DST: variants seen among roughly 807,000 people sequenced by gnomAD.
DST encodes bullous pemphigoid antigen.
Under a neutral mutation model 875.2 loss-of-function variants are expected in DST, and 253 were observed. The observed-to-expected ratio is 0.29, with a 90% CI of 0.26 to 0.32. The LOEUF (loss-of-function observed/expected upper bound fraction) is 0.32. DST is among the 10% of genes least tolerant of loss of function. The probability of loss-of-function intolerance (pLI) is 1.00; values close to 1 mark genes in which losing one functional copy is unlikely to be tolerated. For missense variants in DST, 8,287 were observed against 9,111.6 expected (o/e 0.91, Z 3.68); for synonymous variants, 3,124 against 3,197.1 (o/e 0.98, Z 0.77).
At chr6:56,469,784 T>C (rs769608564) in intron 97 of DST, 99 bp downstream of exon 97, 45 of 1,057,684 alleles carry the variant, frequency 4.3e-5, no homozygotes, top group Non-Finnish European at 6.2e-5. Flanking sequence ...GGTAAAAAAG[T>C]AAATAAATAA....
At chr6:56,753,867 A>T (rs1269711625) in intron 4 of DST, among the ~76,000 whole-genome samples, 2 of 152,234 alleles carry the variant, frequency 1.3e-5, no homozygotes, top group African/African-American at 4.8e-5. Context: ...ATATTCATTA[A>T]CTAGACACTT....
At chr6:56,779,766 G>A (rs573090949) in intron 4 of DST, among the ~76,000 whole-genome samples, 2 of 149,598 alleles carry the variant, frequency 1.3e-5, no homozygotes, top group Non-Finnish European at 3.0e-5. Context: ...GGGTACATGT[G>A]CACAATATGC....
chr6:56,792,019 A>C (rs1324618839), intron 4 of DST, among the ~76,000 whole-genome samples: 1 of 152,164 alleles, frequency 6.6e-6, no homozygotes, highest in Admixed American at 6.5e-5. Context: ...CGTTGTGCCA[A>C]AAAGCAAAGG....
At chr6:56,544,227 C>T (rs2097185881) in intron 61 of DST, among the ~76,000 whole-genome samples, 2 of 152,172 alleles carry the variant, frequency 1.3e-5, no homozygotes, top group Non-Finnish European at 2.9e-5. Flanking sequence ...TCCCAGCTGC[C>T]GCTCTCTTGA....
At chr6:56,509,928 T>A in intron 73 of DST, 55 bp from the exon 74 acceptor site, 1 of 1,336,292 alleles carries the variant, frequency 7.5e-7, no homozygotes, top group South Asian at 1.5e-5. Flanking sequence ...ATACCAAGTG[T>A]GAAATTTAAA....
chr6:56,556,918 C>T (rs1021388752), intron 59 of DST, among the ~76,000 whole-genome samples: 3 of 152,160 alleles, frequency 2.0e-5, no homozygotes, highest in Non-Finnish European at 4.4e-5. Flanking sequence ...TCATTATCTA[C>T]TACCACAATC....
intron 4 of DST, among the ~76,000 whole-genome samples, chr6:56,739,953 C>A (rs919340223): frequency 2.6e-5 from 4 of 152,186 alleles, no homozygotes; most frequent in African/African-American, 9.7e-5. Context: ...CCTCCGCCTC[C>A]CAGGTTCAAG....
At chr6:56,909,349 T>A (rs1297906224) in intron 2 of DST, among the ~76,000 whole-genome samples, 1 of 152,218 alleles carries the variant, frequency 6.6e-6, no homozygotes, top group Non-Finnish European at 1.5e-5. Context: ...GAAATGTGTA[T>A]ATATGTAAGC....
chr6:56,519,330 C>T (rs2096652249), intron 69 of DST, among the ~76,000 whole-genome samples: 2 of 152,260 alleles, frequency 1.3e-5, no homozygotes, highest in African/African-American at 2.4e-5. Context: ...GGTTGCTCCA[C>T]TCACACTCAT....
chr6:56,856,449 C>T (rs1231949508), intron 3 of DST, among the ~76,000 whole-genome samples: 1 of 152,122 alleles, frequency 6.6e-6, no homozygotes, highest in East Asian at 1.9e-4. Context: ...AACTTAAGCA[C>T]ATTTCTGTAT....
chr6:56,595,244 T>C (rs77548927), intron 47 of DST, among the ~76,000 whole-genome samples: 2,994 of 152,132 alleles, frequency 0.02, 94 homozygotes, highest in African/African-American at 0.068. Context: ...GTAAACACTT[T>C]AGGAGCTTTT....
At chr6:56,478,055 T>C (rs886387678) in intron 90 of DST, among the ~76,000 whole-genome samples, 2 of 134,468 alleles carry the variant, frequency 1.5e-5, no homozygotes, top group African/African-American at 5.6e-5. Flanking sequence ...AACTGTATTA[T>C]ACAAAAAAAT....
intron 3 of DST, among the ~76,000 whole-genome samples, chr6:56,897,537 G>T (rs1389338153): frequency 1.3e-5 from 2 of 152,058 alleles, no homozygotes; most frequent in Non-Finnish European, 2.9e-5. Flanking sequence ...TGCCATGTTG[G>T]CTAGGCTGGT....
At chr6:56,941,589 C>A (rs1816634711) in intron 2 of DST, among the ~76,000 whole-genome samples, 1 of 152,190 alleles carries the variant, frequency 6.6e-6, no homozygotes, top group Admixed American at 6.5e-5. Flanking sequence ...CTTAATCAAT[C>A]ATCCCACCTT....
intron 10 of DST, among the ~76,000 whole-genome samples, chr6:56,667,842 C>CACAT (rs1335417272): frequency 6.6e-6 from 1 of 151,798 alleles, no homozygotes; most frequent in South Asian, 2.1e-4. Context: ...CACACACACA[C>CACAT]ACATACACCA....
chr6:56,552,085 A>G lies in DST; in HGVS notation c.16608+99T>C. On this transcript the variant is annotated intron_variant, in intron 61 of 103. Transcript: ENST00000680361. ...CTGGCTCAAATATTGTATGACAATC[A>G]TTATTAAAAAGTTCTACAAAATAGG... 5 of 1,310,010 alleles carry G rather than the reference A, an allele frequency of 3.8e-6. 1 individual carries two copies. The South Asian group carries it at 7.5e-5, about 20-fold the overall frequency. 81.1% of individuals were successfully genotyped at this position (1,310,010 alleles called of 1,614,324 possible).
chr6:56,508,682 G>A lies in DST; in HGVS notation c.19086C>T (p.Ala6362=). The A allele has an allele frequency of 1.2e-6, 2 of 1,613,808 alleles. No homozygotes were observed. Among genetic ancestry groups the A allele is most frequent in the Non-Finnish European group, 1.7e-6 (2 of 1,179,792 alleles). Residue 6362 remains alanine, a synonymous_variant, in exon 75 of 104, where the codon GCC becomes GCT. Transcript: ENST00000680361. ...NIHTLVEERE[A]KLLDVMELAE... ...CTAGCTCCATCACATCCAGTAGTTT[G>A]GCTTCCCTCTCTTCCACCAGTGTGT...
chr6:56,920,544 G>A lies in DST; in HGVS notation c.217-19923C>T, dbSNP rs535881713. On this transcript the variant is annotated intron_variant, in intron 2 of 103. Transcript: ENST00000680361. ...ATAGTCTCTACTACAGTGAGCAACC[G>A]TTAAAAATTTTTTGGATCACGGAGT... Among the ~76,000 whole-genome samples, 17 of 152,166 alleles carry A rather than the reference G, an allele frequency of 1.1e-4. 1 individual carries two copies. Among genetic ancestry groups the A allele is most frequent in the Admixed American group, 7.2e-4 (11 of 15,282 alleles).
chr6:56,602,201 T>G (rs9382653), intron 43 of DST, among the ~76,000 whole-genome samples: 54,565 of 149,550 alleles, frequency 0.36, 10,251 homozygotes, highest in Admixed American at 0.43. Context: ...AAAAAAAAAG[T>G]ATGCCAAAAG....
Sources: allele counts gnomAD v4.1 joint callset (sites outside exome capture counted in the v4.1 genomes callset), GRCh38; gene constraint gnomAD v4.1.1; transcripts MANE v1.5; gene names NCBI Gene and HGNC (gene_info 2026-07-23, HGNC 2026-07-21).